LTBP2: variants seen among roughly 807,000 people sequenced by gnomAD.
The protein encoded by LTBP2 is latent-transforming growth factor beta-binding protein 2.
In LTBP2, 103 loss-of-function variants were observed where a neutral mutation model predicts 210.6. The ratio of observed to expected loss-of-function variants is 0.49; its 90% confidence interval spans 0.42 to 0.58. The LOEUF is 0.58. Ranked by LOEUF, LTBP2 falls within the 20% of genes least tolerant of loss-of-function variation. The pLI, the probability that LTBP2 is intolerant of heterozygous loss-of-function variation, is 0.00. For missense variants in LTBP2, 2,313 were observed against 2,494.5 expected (o/e 0.93, Z 1.55); for synonymous variants, 1,007 against 1,015.0 (o/e 0.99, Z 0.15).
At chr14:74,575,947 A>G (rs2088052242) in intron 3 of LTBP2, among the ~76,000 whole-genome samples, 1 of 152,162 alleles carries the variant, frequency 6.6e-6, no homozygotes, top group Non-Finnish European at 1.5e-5. Context: ...AGCCCCAGGG[A>G]AGGGGAGTCA....
At chr14:74,566,300 A>G (rs1304631090) in intron 3 of LTBP2, among the ~76,000 whole-genome samples, 2 of 152,226 alleles carry the variant, frequency 1.3e-5, no homozygotes, top group Non-Finnish European at 2.9e-5. Flanking sequence ...AGACAGAGGG[A>G]GAGGCTCTGA....
Position 74,577,168 on chromosome 14 carries a change from G to C in LTBP2, c.830+8686C>G, listed in dbSNP as rs369204464. The stretch of plus-strand genomic sequence containing the variant: ...TTTGGGAATCAGAGTTATACAAACA[G>C]GTCAGGAAAAAGAAAGAAAAAAAGG... On this transcript the variant is annotated intron_variant, in intron 3 of 35. Coordinates refer to ENST00000261978, the MANE Select transcript of LTBP2 (RefSeq NM_000428.3). Among the ~76,000 whole-genome samples, 100 of 152,130 alleles carry C rather than the reference G, an allele frequency of 6.6e-4. No individual in the cohort carries two copies. In the South Asian group the frequency reaches 6.6e-3, roughly 10 times the overall value.
At chr14:74,563,506 A>T (rs886463969) in intron 3 of LTBP2, among the ~76,000 whole-genome samples, 3 of 152,202 alleles carry the variant, frequency 2.0e-5, no homozygotes, top group African/African-American at 7.2e-5. Flanking sequence ...CTTTACATCA[A>T]TAAGTTAAGC....
At chr14:74,504,158 A>ACTTAC in intron 30 of LTBP2, 104 bp from the exon 31 acceptor site, 1 of 1,457,196 alleles carries the variant, frequency 6.9e-7, no homozygotes, top group African/African-American at 1.4e-5. Flanking sequence ...CAGCTCTGCC[A>ACTTAC]CTTACTAGGT....
At chr14:74,581,653 G>A (rs540073876) in intron 3 of LTBP2, among the ~76,000 whole-genome samples, 2 of 152,212 alleles carry the variant, frequency 1.3e-5, no homozygotes, top group South Asian at 4.2e-4. Context: ...CTGAATGAGC[G>A]AGGAAACCGA....
At chr14:74,593,717 A>C (rs1244812585) in intron 2 of LTBP2, among the ~76,000 whole-genome samples, 1 of 152,200 alleles carries the variant, frequency 6.6e-6, no homozygotes, top group Non-Finnish European at 1.5e-5. Context: ...CACACTGGAC[A>C]GCAAGATATA....
Position 74,510,222 on chromosome 14 carries a change from G to C in LTBP2, c.3029-9C>G, listed in dbSNP as rs775751236. The C allele has an allele frequency of 5.0e-6, 8 of 1,613,286 alleles. No individual in the cohort carries two copies. In the Admixed American group the frequency reaches 6.7e-5, roughly 13 times the overall value. On this transcript the variant is annotated splice_polypyrimidine_tract_variant and intron_variant, in intron 19 of 35. Coordinates refer to ENST00000261978, the MANE Select transcript of LTBP2 (RefSeq NM_000428.3). ...CAGACACTCATTCACATCTGTGGGA[G>C]AGAAGTCCAAGACGGTGGGCTGGCC...
rs1313427661 is a variant in LTBP2, at chr14:74,585,972, G to T, written c.712C>A (p.Arg238Ser). 1 of 1,613,164 alleles carries T rather than the reference G, an allele frequency of 6.2e-7. No individual in the cohort carries two copies. Among genetic ancestry groups the T allele is most frequent in the African/African-American group, 1.3e-5 (1 of 74,928 alleles). The change falls in exon 3 of 36, where the codon CGC (arginine) becomes AGC (serine). Residue 238 changes from arginine (R) to serine (S), a missense_variant. By Grantham distance (110) the Arg-to-Ser change is moderately radical. This residue lies in a region of LTBP2 where 1,867 missense variants were observed against 1,976.9 expected (regional missense o/e 0.94). Transcript: ENST00000261978. ...AGGTTGGGTGAACGCTCGGCCCAGC[G>T]TCGAGGTGCCAGCCTGGAGTTCTGG... ...DPQNSRLAPR[R>S]WAERSPNLRR...
chr14:74,530,852 G>A (rs2087340949), intron 10 of LTBP2, among the ~76,000 whole-genome samples: 1 of 152,178 alleles, frequency 6.6e-6, no homozygotes, highest in African/African-American at 2.4e-5. Context: ...GTTTGAGTTT[G>A]GTTTCTGTCA....
chr14:74,509,276 C>G lies in LTBP2; in HGVS notation c.3365G>C (p.Gly1122Ala), dbSNP rs770184699. The G allele has an allele frequency of 6.2e-7, 1 of 1,613,662 alleles. No individual in the cohort carries two copies. Among genetic ancestry groups the G allele is most frequent in the Non-Finnish European group, 8.5e-7 (1 of 1,180,002 alleles). Residue 1122 changes from glycine (G) to alanine (A), a missense_variant, in exon 22 of 36, where the codon GGG (glycine) becomes GCG (alanine). Coordinates refer to ENST00000261978, the MANE Select transcript of LTBP2 (RefSeq NM_000428.3). ...AGSFSCKDCD[G>A]GYRPSPLGDS... ...ACCCAGGGGGCTGGGCCGGTAGCCCCCATCGCAGTCCTTGCAGGAGAAGGA... is the reference window on the plus strand; with the variant it reads ...ACCCAGGGGGCTGGGCCGGTAGCCCGCATCGCAGTCCTTGCAGGAGAAGGA...
intron 34 of LTBP2, 80 bp downstream of exon 34, chr14:74,502,573 A>G: frequency 6.3e-7 from 1 of 1,583,562 alleles, no homozygotes; most frequent in Non-Finnish European, 8.7e-7. Flanking sequence ...CCCTGCTGGC[A>G]ATATGACTAG....
rs1369407122 is a variant in LTBP2, at chr14:74,511,320, A to G, written c.2953T>C (p.Cys985Arg). 6.2e-7 allele frequency: 1 copy of G among 1,614,108 alleles called. No homozygotes were observed. Among genetic ancestry groups the G allele is most frequent in the Admixed American group, 1.7e-5 (1 of 60,026 alleles). ...RHPGTCPDGRCVNSPGSYTCL... is the reference protein window; with the variant it reads ...RHPGTCPDGRRVNSPGSYTCL... ...GTGTAGGAGCCAGGGGAATTGACGC[A>G]TCTCCCATCAGGGCAGGTACCGGGG... The change falls in exon 19 of 36, where the codon TGC (cysteine) becomes CGC (arginine). Residue 985 changes from cysteine to arginine, a missense_variant. Around this residue, in one of 3 missense-constraint regions of LTBP2, gnomAD observed 1,867 missense variants for 1,976.9 expected, o/e 0.94. Transcript: ENST00000261978.
chr14:74,506,881 G>A (rs530085895), intron 26 of LTBP2, 58 bp from the exon 27 acceptor site: 300 of 1,427,316 alleles, frequency 2.1e-4, no homozygotes, highest in Non-Finnish European at 2.6e-4. Context: ...GTGTGTGTGC[G>A]CGCGCGCGTG....
intron 3 of LTBP2, among the ~76,000 whole-genome samples, chr14:74,573,815 G>A (rs1364449688): frequency 6.6e-6 from 1 of 152,164 alleles, no homozygotes; most frequent in Non-Finnish European, 1.5e-5. Flanking sequence ...TATGTGAGCC[G>A]GCACTTTATC....
intron 2 of LTBP2, among the ~76,000 whole-genome samples, chr14:74,589,207 G>A (rs1320605896): frequency 6.6e-6 from 1 of 152,208 alleles, no homozygotes; most frequent in East Asian, 1.9e-4. Flanking sequence ...TGGATGTGAA[G>A]CTTGTGATAG....
At chr14:74,524,125 GCCTGCCC>G (rs1317353618) in intron 15 of LTBP2, among the ~76,000 whole-genome samples, 3 of 151,762 alleles carry the variant, frequency 2.0e-5, no homozygotes, top group Non-Finnish European at 2.9e-5. Context: ...GCTGAGCTTG[GCCTGCCC>G]CCTGCCCCCT....
At chr14:74,515,084 G>A (rs1250444870) in intron 18 of LTBP2, among the ~76,000 whole-genome samples, 1 of 152,140 alleles carries the variant, frequency 6.6e-6, no homozygotes, top group Non-Finnish European at 1.5e-5. Flanking sequence ...AGGTCTGTAT[G>A]TGCCAGACGG....
chr14:74,575,044 C>T (rs930817491), intron 3 of LTBP2, among the ~76,000 whole-genome samples: 4 of 152,208 alleles, frequency 2.6e-5, no homozygotes, highest in Non-Finnish European at 5.9e-5. Flanking sequence ...AGGTTGCCGG[C>T]TTTATCACGC....
chr14:74,516,979 C>A, intron 17 of LTBP2, 38 bp from the exon 18 acceptor site: 1 of 1,548,136 alleles, frequency 6.5e-7, no homozygotes, highest in Non-Finnish European at 8.7e-7. Flanking sequence ...CACAGCCAGC[C>A]CTGGAGGATG....
Sources: gnomAD v4.1 joint callset for allele counts (sites outside exome capture counted in the v4.1 genomes callset) on GRCh38, gnomAD v4.1.1 for gene constraint, gnomAD v4.1.1 regional missense constraint, MANE v1.5 for transcripts, NCBI Gene and HGNC (gene_info 2026-07-23, HGNC 2026-07-21) for gene names.